Variants in ADAM10 observed in about 807,000 individuals in gnomAD.
The protein encoded by ADAM10 is disintegrin and metalloproteinase domain-containing protein 10.
ADAM10 carries 17 observed loss-of-function variants against 90.1 expected under a neutral mutation model. That is an observed-to-expected ratio of 0.19 (90% CI 0.13 to 0.28). The LOEUF is 0.28. ADAM10 is among the 10% of genes least tolerant of loss of function. The probability of loss-of-function intolerance (pLI) is 1.00; values close to 1 mark genes in which losing one functional copy is unlikely to be tolerated. For synonymous variants in ADAM10, 310 were observed against 298.6 expected, an observed-to-expected ratio of 1.04 and a Z score of -0.40; for missense variants, 610 against 914.3, an observed-to-expected ratio of 0.67 and a Z score of 4.29.
At position 58,734,202 on chromosome 15, in the gene ADAM10, T is replaced by C. The variant is rs1007065003; in HGVS notation, c.55+15278A>G. On this transcript the variant is annotated intron_variant, in intron 1 of 15. Coordinates refer to ENST00000260408, the MANE Select transcript of ADAM10 (RefSeq NM_001110.4). ...TTTAACTAAATTAAACAATAATGCT[T>C]ATAAATTGGATGTCATGATAATTAA... 5.9e-5 allele frequency among the ~76,000 whole-genome samples: 9 copies of C among 152,314 alleles called. 1 individual carries two copies. The East Asian group carries it at 7.7e-4, about 13-fold the overall frequency.
At chr15:58,645,910 C>T in intron 6 of ADAM10, 145 bp downstream of exon 6, 1 of 815,928 alleles carries the variant, frequency 1.2e-6, no homozygotes, top group Admixed American at 2.4e-5. Context: ...TATCCATGTA[C>T]TTATCTTACA....
intron 2 of ADAM10, chr15:58,691,113 G>A (rs1230796014): frequency 1.5e-6 from 1 of 675,436 alleles, no homozygotes; most frequent in Non-Finnish European, 2.9e-6. Context: ...CTAGCTGTAG[G>A]TGCTGGTCAC....
chr15:58,733,399 G>A (rs1226168864), intron 1 of ADAM10, among the ~76,000 whole-genome samples: 1 of 152,172 alleles, frequency 6.6e-6, no homozygotes, highest in Middle Eastern at 3.2e-3. Context: ...TGGATTTCCA[G>A]AGGTCCCCCT....
intron 2 of ADAM10, among the ~76,000 whole-genome samples, chr15:58,697,669 C>T (rs143323329): frequency 3.9e-5 from 6 of 152,234 alleles, no homozygotes; most frequent in East Asian, 1.9e-4. Flanking sequence ...ATGCCACATA[C>T]GCTGCCCAGG....
At chr15:58,652,802 A>G (rs2140707617) in intron 5 of ADAM10, among the ~76,000 whole-genome samples, 1 of 135,912 alleles carries the variant, frequency 7.4e-6, no homozygotes, top group Non-Finnish European at 1.5e-5. Context: ...TAGCAATTGC[A>G]TTGCCTTTTG....
At chr15:58,736,288 T>C (rs1899427651) in intron 1 of ADAM10, among the ~76,000 whole-genome samples, 1 of 152,206 alleles carries the variant, frequency 6.6e-6, no homozygotes, top group South Asian at 2.1e-4. Flanking sequence ...GTTACTTTAT[T>C]TCACCTACAC....
intron 10 of ADAM10, among the ~76,000 whole-genome samples, chr15:58,626,816 C>T (rs1259223181): frequency 6.6e-6 from 1 of 152,032 alleles, no homozygotes; most frequent in East Asian, 1.9e-4. Context: ...GAAGACAGAG[C>T]ATTACTGCTT....
rs537470593 is a variant in ADAM10 at position 58,650,129 on chromosome 15, T to C, written c.586-3925A>G. Among the ~76,000 whole-genome samples, 125 of 152,350 alleles carry C rather than the reference T, an allele frequency of 8.2e-4. 1 individual carries two copies. The highest frequency in any genetic ancestry group is 2.9e-3 in the African/African-American group (120 of 41,590). ...GCTAAAATTTTAAATTTAGTCTTTA[T>C]GACTTGAATATATTAAAGTCTGTGT... On this transcript the variant is annotated intron_variant, in intron 5 of 15. Coordinates refer to ENST00000260408, the MANE Select transcript of ADAM10 (RefSeq NM_001110.4).
intron 3 of ADAM10, 76 bp from the exon 4 acceptor site, chr15:58,679,358 A>ATG (rs1186192644): frequency 2.7e-5 from 35 of 1,277,208 alleles, no homozygotes; most frequent in Non-Finnish European, 3.7e-5. Flanking sequence ...ATATGTATAT[A>ATG]TGTGTGTATA....
chr15:58,662,445 G>A (rs577354924), intron 5 of ADAM10, among the ~76,000 whole-genome samples: 1 of 152,168 alleles, frequency 6.6e-6, no homozygotes, highest in Non-Finnish European at 1.5e-5. Context: ...AAATCCTCTC[G>A]TCTCAGCCTC....
At chr15:58,621,863 G>C (rs1323899682) in intron 10 of ADAM10, among the ~76,000 whole-genome samples, 18 of 152,020 alleles carry the variant, frequency 1.2e-4, no homozygotes, top group Admixed American at 7.9e-4. Flanking sequence ...TTGACAGAGG[G>C]TCCCTTCTAG....
At chr15:58,626,725 T>C (rs1287687176) in intron 10 of ADAM10, among the ~76,000 whole-genome samples, 1 of 152,164 alleles carries the variant, frequency 6.6e-6, no homozygotes, top group African/African-American at 2.4e-5. Flanking sequence ...AAATATTGTA[T>C]GTCCCCACTT....
At chr15:58,602,972 C>T (rs552664010) in intron 14 of ADAM10, among the ~76,000 whole-genome samples, 1 of 152,298 alleles carries the variant, frequency 6.6e-6, no homozygotes, top group Admixed American at 6.5e-5. Flanking sequence ...TGCTGGCAAA[C>T]TTGTGAGAAA....
At chr15:58,682,381 T>A (rs1457471526) in intron 2 of ADAM10, 67 bp from the exon 3 acceptor site, 1 of 1,562,762 alleles carries the variant, frequency 6.4e-7, no homozygotes, top group African/African-American at 1.4e-5. Context: ...ACAATTATTT[T>A]TTATTTTAAA....
intron 2 of ADAM10, among the ~76,000 whole-genome samples, chr15:58,683,229 T>C (rs566335697): frequency 4.6e-5 from 7 of 152,328 alleles, no homozygotes; most frequent in South Asian, 2.1e-4. Context: ...GTGAACATAA[T>C]AGAATTTCTA....
At chr15:58,670,079 TTATA>T (rs1196904095) in intron 4 of ADAM10, among the ~76,000 whole-genome samples, 6 of 152,150 alleles carry the variant, frequency 3.9e-5, no homozygotes, top group Non-Finnish European at 5.9e-5. Flanking sequence ...ATTATAAACT[TTATA>T]TATAAGCAGT....
At chr15:58,738,044 C>G (rs910676685) in intron 1 of ADAM10, among the ~76,000 whole-genome samples, 3 of 152,246 alleles carry the variant, frequency 2.0e-5, no homozygotes, top group Middle Eastern at 6.8e-3. Flanking sequence ...CAGAAAAACT[C>G]AATTACAATA....
In ADAM10 at chr15:58,595,858, G is replaced by C. The variant is rs1894935531; in HGVS notation, c.*1689C>G. ...ACAAAGGCATTTAAATGATTTAAAA[G>C]CAATTACATACATATCTACCTACTT... On this transcript the variant is annotated 3_prime_UTR_variant, in exon 16 of 16. Coordinates refer to ENST00000260408, the MANE Select transcript of ADAM10 (RefSeq NM_001110.4). The C allele has an allele frequency of 6.6e-6, 1 of 152,054 alleles. No homozygotes were observed. 9.4% of individuals were successfully genotyped at this position (152,054 alleles called of 1,614,324 possible). A position where few individuals can be genotyped will look rare whatever the true frequency, so the allele number is the denominator to read the frequency against.
At chr15:58,633,712 A>ATCC (rs1259580630) in intron 8 of ADAM10, among the ~76,000 whole-genome samples, 1 of 152,204 alleles carries the variant, frequency 6.6e-6, no homozygotes, top group Non-Finnish European at 1.5e-5. Context: ...CAAAGTGTAC[A>ATCC]TCCTTTCATC....
Sources: allele counts gnomAD v4.1 joint callset (sites outside exome capture counted in the v4.1 genomes callset), GRCh38; gene constraint gnomAD v4.1.1; transcripts MANE v1.5; gene names NCBI Gene and HGNC (gene_info 2026-07-23, HGNC 2026-07-21).